The following PATJ variants were observed in gnomAD, a reference collection of about 807,000 sequenced individuals.
PATJ encodes the protein inaD-like protein.
In PATJ, 190 loss-of-function variants were observed where a neutral mutation model predicts 224.9. The observed-to-expected ratio is 0.84, with a 90% CI of 0.75 to 0.95. The LOEUF is 0.95. Among genes scored for constraint, PATJ ranks in the 40% least tolerant of loss-of-function variants. The pLI, the probability that PATJ is intolerant of heterozygous loss-of-function variation, is 0.00. For missense variants in PATJ, 2,121 were observed against 2,270.3 expected (o/e 0.93, Z 1.34); for synonymous variants, 769 against 820.3 (o/e 0.94, Z 1.07).
chr1:61,763,330 G>A, intron 3 of PATJ, 151 bp downstream of exon 3: 1 of 418,592 alleles, frequency 2.4e-6, no homozygotes, highest in Non-Finnish European at 4.3e-6. Flanking sequence ...TATAACCTGT[G>A]GGTAGCATTG....
chr1:62,057,478 G>A (rs1043540889), intron 31 of PATJ, among the ~76,000 whole-genome samples: 3 of 152,158 alleles, frequency 2.0e-5, no homozygotes, highest in African/African-American at 7.2e-5. Flanking sequence ...CACTGTAGCC[G>A]CAGTGTGGCA....
chr1:62,087,066 T>C (rs964632171), intron 33 of PATJ, among the ~76,000 whole-genome samples: 1 of 152,190 alleles, frequency 6.6e-6, no homozygotes, highest in African/African-American at 2.4e-5. Flanking sequence ...GACAGCCTTT[T>C]TTGGGTACCC....
chr1:62,067,134 T>G (rs1214727920), intron 31 of PATJ, among the ~76,000 whole-genome samples: 1 of 145,610 alleles, frequency 6.9e-6, no homozygotes, highest in Non-Finnish European at 1.5e-5. Flanking sequence ...TTTTTTTTTT[T>G]TTTTTTTTTT....
At chr1:61,906,684 T>TC (rs1671907243) in intron 24 of PATJ, among the ~76,000 whole-genome samples, 1 of 152,168 alleles carries the variant, frequency 6.6e-6, no homozygotes, top group Admixed American at 6.5e-5. Context: ...CTCTTTCCTT[T>TC]CACTGAACTT....
At chr1:61,875,450 G>A (rs1023554571) in intron 21 of PATJ, 84 bp downstream of exon 21, 93 of 1,076,190 alleles carry the variant, frequency 8.6e-5, no homozygotes, top group East Asian at 5.1e-4. Flanking sequence ...GAATTTCACC[G>A]TCATATTTTT....
At chr1:61,822,006 A>G (rs1429911958) in intron 14 of PATJ, among the ~76,000 whole-genome samples, 1 of 152,224 alleles carries the variant, frequency 6.6e-6, no homozygotes, top group East Asian at 1.9e-4. Context: ...TAGAATGGAT[A>G]AACGATTGCC....
At chr1:62,108,085 A>G (rs1234745676) in intron 33 of PATJ, among the ~76,000 whole-genome samples, 1 of 152,232 alleles carries the variant, frequency 6.6e-6, no homozygotes, top group Non-Finnish European at 1.5e-5. Flanking sequence ...TAGAATACCA[A>G]TAAATACCTG....
chr1:61,796,515 C>G (rs1651135380), intron 10 of PATJ, among the ~76,000 whole-genome samples: 1 of 152,208 alleles, frequency 6.6e-6, no homozygotes, highest in Non-Finnish European at 1.5e-5. Context: ...TGAATTGCAT[C>G]AGAGATTAAA....
intron 27 of PATJ, among the ~76,000 whole-genome samples, chr1:61,941,536 A>G (rs1677821471): frequency 6.6e-6 from 1 of 152,142 alleles, no homozygotes; most frequent in African/African-American, 2.4e-5. Context: ...CTGTAGTCCC[A>G]GCTATTTGAT....
chr1:62,049,647 T>C (rs542082149), intron 30 of PATJ, among the ~76,000 whole-genome samples: 1 of 152,360 alleles, frequency 6.6e-6, no homozygotes, highest in South Asian at 2.1e-4. Flanking sequence ...TAACATTTAA[T>C]ATGTCACAAT....
At chr1:62,059,858 T>G (rs1570383198) in intron 31 of PATJ, among the ~76,000 whole-genome samples, 2 of 152,042 alleles carry the variant, frequency 1.3e-5, no homozygotes, top group South Asian at 4.2e-4. Context: ...GGATGGGACT[T>G]GATGGTTACG....
chr1:61,923,783 G>A (rs191719612), intron 26 of PATJ, among the ~76,000 whole-genome samples: 2 of 151,436 alleles, frequency 1.3e-5, no homozygotes, highest in Non-Finnish European at 2.9e-5. Context: ...TTAGCCGGCT[G>A]TGGTGGCACA....
chr1:61,845,433 ATACT>A (rs1296592602), intron 17 of PATJ, among the ~76,000 whole-genome samples: 8 of 152,228 alleles, frequency 5.3e-5, no homozygotes, highest in African/African-American at 1.7e-4. Flanking sequence ...CTAGAGAAAC[ATACT>A]TAATATAATT....
intron 33 of PATJ, among the ~76,000 whole-genome samples, chr1:62,106,962 A>G (rs1329275994): frequency 6.6e-6 from 1 of 152,048 alleles, no homozygotes; most frequent in African/African-American, 2.4e-5. Context: ...GCAGGACTCA[A>G]ATCCCCACTG....
chr1:61,903,139 G>A (rs2482850), intron 24 of PATJ, among the ~76,000 whole-genome samples: 114,768 of 152,018 alleles, frequency 0.75, 43,581 homozygotes, highest in East Asian at 1. Flanking sequence ...ATTATGAACA[G>A]GTAAGTATTG....
intron 28 of PATJ, among the ~76,000 whole-genome samples, chr1:62,014,295 A>G (rs948287336): frequency 4.6e-5 from 7 of 151,238 alleles, no homozygotes; most frequent in African/African-American, 1.7e-4. Context: ...TCCTCAAGTG[A>G]TCCTCCTGTC....
At chr1:62,147,213 G>A (rs1055924326) in intron 41 of PATJ, among the ~76,000 whole-genome samples, 4 of 152,106 alleles carry the variant, frequency 2.6e-5, no homozygotes, top group African/African-American at 4.8e-5. Flanking sequence ...AATGGGATGG[G>A]ATAATATGTT....
At chr1:61,972,404 T>C (rs1231348733) in intron 27 of PATJ, among the ~76,000 whole-genome samples, 1 of 152,072 alleles carries the variant, frequency 6.6e-6, no homozygotes, top group Non-Finnish European at 1.5e-5. Flanking sequence ...ATTGCTGATG[T>C]TCTTTCTCAT....
intron 15 of PATJ, among the ~76,000 whole-genome samples, chr1:61,823,334 A>G (rs1657636895): frequency 6.6e-6 from 1 of 152,240 alleles, no homozygotes; most frequent in African/African-American, 2.4e-5. Context: ...ATAGCATATT[A>G]GTATTCTTTT....
Sources: gnomAD v4.1 joint callset for allele counts (sites outside exome capture counted in the v4.1 genomes callset) on GRCh38, gnomAD v4.1.1 for gene constraint, MANE v1.5 for transcripts, NCBI Gene and HGNC (gene_info 2026-07-23, HGNC 2026-07-21) for gene names.